Variants in BCL11B observed in about 807,000 individuals in gnomAD.
BCL11B encodes the protein B-cell lymphoma/leukemia 11B.
BCL11B carries 8 observed loss-of-function variants against 49.9 expected under a neutral mutation model. The observed-to-expected ratio is 0.16, with a 90% CI of 0.09 to 0.29. The LOEUF (loss-of-function observed/expected upper bound fraction) is 0.29. Ranked by LOEUF, BCL11B falls within the 10% of genes least tolerant of loss-of-function variation. The probability of loss-of-function intolerance (pLI) is 1.00; values close to 1 mark genes in which losing one functional copy is unlikely to be tolerated. For synonymous variants in BCL11B, 739 were observed against 637.4 expected (o/e 1.16, Z -2.40); for missense variants, 1,006 against 1,351.0 (o/e 0.74, Z 4.00).
At chr14:99,176,532 G>A (rs1886538962) in intron 3 of BCL11B, among the ~76,000 whole-genome samples, 2 of 152,214 alleles carry the variant, frequency 1.3e-5, no homozygotes, top group African/African-American at 4.8e-5. Flanking sequence ...GTGAGAATAC[G>A]GTCCAGTAGT....
At chr14:99,191,903 C>T (rs1246352260) in intron 3 of BCL11B, among the ~76,000 whole-genome samples, 4 of 152,110 alleles carry the variant, frequency 2.6e-5, no homozygotes, top group East Asian at 1.9e-4. Flanking sequence ...ATTTCTGCTG[C>T]GTATGCCACT....
In BCL11B at chr14:99,174,055, T is replaced by A. The variant is rs1220349871; in HGVS notation, c.*96A>T. On this transcript the variant is annotated 3_prime_UTR_variant, in exon 4 of 4. Coordinates refer to ENST00000357195, the MANE Select transcript of BCL11B (RefSeq NM_138576.4). ...CCCTGGGCCCCGGGGACACGCGGGG[T>A]GCGGGGTGGCGGTGACACGGAGGCA... is the stretch of plus-strand genomic sequence containing the variant. 3 of 1,282,562 alleles carry A rather than the reference T, an allele frequency of 2.3e-6. No individual in the cohort carries two copies. Among genetic ancestry groups the A allele is most frequent in the Non-Finnish European group, 3.2e-6 (3 of 926,278 alleles). 79.4% of individuals were successfully genotyped at this position (1,282,562 alleles called of 1,614,324 possible). A position where few individuals can be genotyped will look rare whatever the true frequency, so the allele number is the denominator to read the frequency against.
chr14:99,199,390 G>A (rs918526328), intron 3 of BCL11B, among the ~76,000 whole-genome samples: 2 of 152,164 alleles, frequency 1.3e-5, no homozygotes, highest in Non-Finnish European at 2.9e-5. Flanking sequence ...AGTTCAATTA[G>A]AGGCGAAGTT....
chr14:99,215,988 C>A (rs889492230), intron 3 of BCL11B, among the ~76,000 whole-genome samples: 1 of 152,132 alleles, frequency 6.6e-6, no homozygotes, highest in African/African-American at 2.4e-5. Flanking sequence ...CCGTGGATCC[C>A]GGAAAGCCTC....
At chr14:99,218,055 T>C (rs1887902273) in intron 3 of BCL11B, among the ~76,000 whole-genome samples, 1 of 150,368 alleles carries the variant, frequency 6.7e-6, no homozygotes, top group African/African-American at 2.4e-5. Flanking sequence ...ATAATAATCA[T>C]TGCAGGTTTT....
At chr14:99,226,314 C>T (rs1166574655) in intron 3 of BCL11B, among the ~76,000 whole-genome samples, 2 of 152,174 alleles carry the variant, frequency 1.3e-5, no homozygotes, top group East Asian at 1.9e-4. Context: ...AACCTTCCCA[C>T]GACGGAGCTC....
In BCL11B at chr14:99,216,631, A is replaced by G. The variant is rs563281108; in HGVS notation, c.640+14714T>C. On this transcript the variant is annotated intron_variant, in intron 3 of 3. Coordinates refer to ENST00000357195, the MANE Select transcript of BCL11B (RefSeq NM_138576.4). ...AGAGAGACTCGCCCTCAAAGGCCTC[A>G]GCAGGCCTCAGGATGGACACACACC... is the stretch of plus-strand genomic sequence containing the variant. Among the ~76,000 whole-genome samples, 4 of 152,320 alleles carry G rather than the reference A, an allele frequency of 2.6e-5. No homozygotes were observed. In the South Asian group the frequency reaches 6.2e-4, roughly 24 times the overall value.
Position 99,271,175 on chromosome 14 carries a change from C to T in BCL11B, c.44G>A (p.Arg15Lys). 6.4e-7 allele frequency: 1 copy of T among 1,551,690 alleles called. No individual in the cohort carries two copies. The highest frequency in any genetic ancestry group is 1.4e-5 in the African/African-American group (1 of 70,532). The change falls in exon 1 of 4, where the codon AGG becomes AAG. Residue 15 changes from arginine to lysine, a missense_variant. Coordinates refer to ENST00000357195, the MANE Select transcript of BCL11B (RefSeq NM_138576.4). ...KQGNPQHLSQRELITPEADHV... is the reference protein window; with the variant it reads ...KQGNPQHLSQKELITPEADHV... ...CAGACACTTACGGGTGATGAGCTCC[C>T]TCTGGGACAAGTGCTGCGGGTTGCC... is the stretch of plus-strand genomic sequence containing the variant.
chr14:99,246,885 C>T (rs1323037458), intron 2 of BCL11B, among the ~76,000 whole-genome samples: 3 of 152,266 alleles, frequency 2.0e-5, no homozygotes, highest in Non-Finnish European at 1.5e-5. Context: ...AAGTTGCAAA[C>T]GTCGGGGAAA....
chr14:99,264,307 A>C (rs572031757), intron 1 of BCL11B: 1 of 149,718 alleles, frequency 6.7e-6, no homozygotes, highest in African/African-American at 2.5e-5. Context: ...CTTTTTTTTA[A>C]TTCTTAGCAG....
chr14:99,231,315 C>G lies in BCL11B; in HGVS notation c.640+30G>C. 6.2e-7 allele frequency: 1 copy of G among 1,600,536 alleles called. No individual in the cohort carries two copies. The highest frequency in any genetic ancestry group is 8.5e-7 in the Non-Finnish European group (1 of 1,174,264). On this transcript the variant is annotated intron_variant, in intron 3 of 3. Coordinates refer to ENST00000357195, the MANE Select transcript of BCL11B (RefSeq NM_138576.4). This position sits in a 1 kb window ranked among gnomAD's most constrained non-coding sequence, Gnocchi z 8.1. ...ATGGCACACCCCGCCATCCCGGGGG[C>G]CCGCCCCCCACCGCGGCGTCGTCTG...
At chr14:99,223,066 T>A (rs1238900959) in intron 3 of BCL11B, among the ~76,000 whole-genome samples, 1 of 152,210 alleles carries the variant, frequency 6.6e-6, no homozygotes, top group East Asian at 1.9e-4. Context: ...GAGCTTTGTC[T>A]GAAAGCTTTT....
chr14:99,171,868 TTTC>T lies in BCL11B; in HGVS notation c.*2280_*2282del, dbSNP rs1196723157. Reference sequence around the variant, plus strand: ...TCAAGGAAAAGAAAAGGGTATTTTTTTTCTTGTTTTGTAAAATGCCCAGGCATT... The same window carrying T: ...TCAAGGAAAAGAAAAGGGTATTTTTTTTGTTTTGTAAAATGCCCAGGCATT... On this transcript the variant is annotated 3_prime_UTR_variant, in exon 4 of 4. Transcript: ENST00000357195. The T allele has an allele frequency of 9.8e-6, 2 of 204,310 alleles. No homozygotes were observed. The highest frequency in any genetic ancestry group is 4.6e-5 in the African/African-American group (2 of 43,662). The allele number at this position is 204,310 out of a possible 1,614,324, so 12.7% of individuals were successfully genotyped here.
rs1048088440 is a variant in BCL11B at position 99,213,197 on chromosome 14, A to G, written c.640+18148T>C. Among the ~76,000 whole-genome samples the G allele has an allele frequency of 2.5e-4, 38 of 152,182 alleles. No homozygotes were observed. Among genetic ancestry groups the G allele is most frequent in the Admixed American group, 2.5e-3 (38 of 15,282 alleles). ...AGAATCAGATGCTGAGACCATGCCC[A>G]GGCTCTCGATGAGCCCCTGGAATGA... On this transcript the variant is annotated intron_variant, in intron 3 of 3. Transcript: ENST00000357195. The surrounding 1 kb of genome is among the most constrained non-coding windows in gnomAD (Gnocchi z 5.1).
At chr14:99,222,836 CCTTTCTTT>C (rs34988198) in intron 3 of BCL11B, among the ~76,000 whole-genome samples, 123 of 151,414 alleles carry the variant, frequency 8.1e-4, no homozygotes, top group South Asian at 2.5e-3. Context: ...TCTTTATTTC[CCTTTCTTT>C]CTTTCTTTCT....
intron 3 of BCL11B, among the ~76,000 whole-genome samples, chr14:99,197,467 G>A (rs548538369): frequency 7.2e-5 from 11 of 152,180 alleles, no homozygotes; most frequent in Non-Finnish European, 1.3e-4. Context: ...GAAAATGAGT[G>A]AAGTTGGAAA....
chr14:99,261,093 C>T (rs1889324034), intron 1 of BCL11B, among the ~76,000 whole-genome samples: 1 of 152,232 alleles, frequency 6.6e-6, no homozygotes. Flanking sequence ...CAGGCTGTGG[C>T]GCTGTGCCTT....
intron 2 of BCL11B, among the ~76,000 whole-genome samples, chr14:99,237,117 A>G (rs1035562173): frequency 6.6e-6 from 1 of 151,952 alleles, no homozygotes; most frequent in African/African-American, 2.4e-5. Flanking sequence ...AGAGAAGAAC[A>G]ATTCTAGGGA....
chr14:99,190,064 C>G (rs529295767), intron 3 of BCL11B, among the ~76,000 whole-genome samples: 35 of 152,332 alleles, frequency 2.3e-4, no homozygotes, highest in African/African-American at 8.4e-4. Context: ...TTCTAGATTT[C>G]CCAAAGACAG....
Sources: gnomAD v4.1 joint callset for allele counts (sites outside exome capture counted in the v4.1 genomes callset) on GRCh38, gnomAD v4.1.1 for gene constraint, Gnocchi (gnomAD v3.1) non-coding constraint, MANE v1.5 for transcripts, NCBI Gene and HGNC (gene_info 2026-07-23, HGNC 2026-07-21) for gene names.